HPSE2: variants seen among roughly 807,000 people sequenced by gnomAD.
The protein encoded by HPSE2 is heparanase 2 (inactive), also known as inactive heparanase-2.
Under a neutral mutation model 60.5 loss-of-function variants are expected in HPSE2, and 38 were observed. The observed-to-expected ratio is 0.63, with a 90% CI of 0.48 to 0.82. The LOEUF is 0.82. Ranked by LOEUF, HPSE2 falls within the 40% of genes least tolerant of loss-of-function variation. The pLI, the probability that HPSE2 is intolerant of heterozygous loss-of-function variation, is 0.00. For missense variants in HPSE2, 713 were observed against 740.4 expected (o/e 0.96, Z 0.43); for synonymous variants, 295 against 293.2 (o/e 1.01, Z -0.06).
chr10:98,478,448 G>A (rs1941108822), intron 11 of HPSE2, among the ~76,000 whole-genome samples: 1 of 152,092 alleles, frequency 6.6e-6, no homozygotes, highest in Non-Finnish European at 1.5e-5. Context: ...TCAAAGGGAA[G>A]CTATAATCTC....
intron 3 of HPSE2, among the ~76,000 whole-genome samples, chr10:98,939,246 A>C (rs1348003964): frequency 6.9e-6 from 1 of 143,954 alleles, no homozygotes; most frequent in Non-Finnish European, 1.5e-5. Flanking sequence ...ATTAACTTTA[A>C]TTGTAAATGG....
chr10:98,630,076 C>T (rs1946319622), intron 7 of HPSE2, among the ~76,000 whole-genome samples: 1 of 152,226 alleles, frequency 6.6e-6, no homozygotes, highest in East Asian at 1.9e-4. Context: ...CTTAGACTTT[C>T]ACAACCATCC....
chr10:98,861,840 CA>C (rs1227840871), intron 3 of HPSE2, among the ~76,000 whole-genome samples: 3 of 152,078 alleles, frequency 2.0e-5, no homozygotes, highest in Non-Finnish European at 4.4e-5. Flanking sequence ...AACATTGCAC[CA>C]GGCTTGTATC....
intron 3 of HPSE2, among the ~76,000 whole-genome samples, chr10:98,986,598 C>G (rs1057455135): frequency 3.2e-3 from 415 of 128,236 alleles, no homozygotes; most frequent in Non-Finnish European, 4.2e-3. Flanking sequence ...GAAGCAAGAG[C>G]AAACACATTC....
intron 3 of HPSE2, among the ~76,000 whole-genome samples, chr10:98,841,052 G>T (rs532570061): frequency 6.6e-6 from 1 of 152,300 alleles, no homozygotes; most frequent in East Asian, 1.9e-4. Flanking sequence ...GAAGCCAGGA[G>T]TTGGAGACTG....
At chr10:98,871,323 T>C (rs904564145) in intron 3 of HPSE2, among the ~76,000 whole-genome samples, 26 of 152,020 alleles carry the variant, frequency 1.7e-4, no homozygotes, top group African/African-American at 6.0e-4. Flanking sequence ...AAAGTACAGC[T>C]AGGAGGTGCA....
chr10:99,213,894 C>G (rs7081536), intron 2 of HPSE2, among the ~76,000 whole-genome samples: 129,642 of 152,218 alleles, frequency 0.85, 55,504 homozygotes, highest in African/African-American at 0.93. Flanking sequence ...GTTCTTGAAA[C>G]GACATGCTCA....
chr10:98,962,844 G>T (rs932631503), intron 3 of HPSE2, among the ~76,000 whole-genome samples: 2 of 151,706 alleles, frequency 1.3e-5, no homozygotes, highest in Admixed American at 1.3e-4. Flanking sequence ...GCTTCAAAGA[G>T]AATAAAATAC....
chr10:99,084,456 T>C (rs954912973), intron 3 of HPSE2, among the ~76,000 whole-genome samples: 1 of 152,154 alleles, frequency 6.6e-6, no homozygotes, highest in African/African-American at 2.4e-5. Context: ...TAGGTCAAAG[T>C]TCCTAAAAGA....
chr10:98,581,677 G>T (rs1430784848), intron 9 of HPSE2, among the ~76,000 whole-genome samples: 3 of 152,064 alleles, frequency 2.0e-5, no homozygotes, highest in African/African-American at 2.4e-5. Flanking sequence ...GGGATACATT[G>T]TGTGTAGAGA....
chr10:98,991,020 C>T (rs1294844201), intron 3 of HPSE2, among the ~76,000 whole-genome samples: 7 of 152,084 alleles, frequency 4.6e-5, no homozygotes, highest in Non-Finnish European at 8.8e-5. Context: ...ATGCATATTC[C>T]CACCTCCACT....
chr10:98,827,818 A>C (rs140663038), intron 3 of HPSE2, among the ~76,000 whole-genome samples: 161 of 152,338 alleles, frequency 1.1e-3, no homozygotes, highest in Non-Finnish European at 1.7e-3. Context: ...TTTTATGTAG[A>C]TCACAATACC....
At chr10:99,122,400 T>C (rs1844990080) in intron 3 of HPSE2, among the ~76,000 whole-genome samples, 1 of 151,954 alleles carries the variant, frequency 6.6e-6, no homozygotes, top group African/African-American at 2.4e-5. Flanking sequence ...AAGACAAATA[T>C]ACCTTTGTCC....
At chr10:98,624,346 C>G (rs997429572) in intron 7 of HPSE2, among the ~76,000 whole-genome samples, 1 of 152,026 alleles carries the variant, frequency 6.6e-6, no homozygotes, top group Admixed American at 6.6e-5. Flanking sequence ...AGTGAAGAAG[C>G]CAGCCTCTTA....
At chr10:98,708,044 T>C (rs571767023) in intron 5 of HPSE2, among the ~76,000 whole-genome samples, 143 of 152,268 alleles carry the variant, frequency 9.4e-4, no homozygotes, top group South Asian at 9.1e-3. Flanking sequence ...ACTGAAGCAT[T>C]TTGAAATGTG....
chr10:98,922,454 AG>A (rs1284782121), intron 3 of HPSE2, among the ~76,000 whole-genome samples: 4 of 152,212 alleles, frequency 2.6e-5, no homozygotes, highest in Admixed American at 2.6e-4. Flanking sequence ...GATACGAGGG[AG>A]AACTCAATTT....
intron 3 of HPSE2, among the ~76,000 whole-genome samples, chr10:98,950,447 A>T (rs913826458): frequency 2.6e-5 from 4 of 152,202 alleles, no homozygotes; most frequent in African/African-American, 4.8e-5. Context: ...GAGTCATTGA[A>T]ATACATTAGA....
chr10:99,263,417 T>G, the HPSE2 span, among the ~76,000 whole-genome samples: 1 of 152,240 alleles, frequency 6.6e-6, no homozygotes, highest in Admixed American at 6.5e-5. Context: ...CATGCTGTTA[T>G]ATGGGCTGAA....
At chr10:98,511,318 T>C (rs1942386511) in intron 9 of HPSE2, among the ~76,000 whole-genome samples, 1 of 151,914 alleles carries the variant, frequency 6.6e-6, no homozygotes. Flanking sequence ...GTCTGGCTAA[T>C]TTTTTGTATT....
Sources: allele counts gnomAD v4.1 joint callset (sites outside exome capture counted in the v4.1 genomes callset), GRCh38; gene constraint gnomAD v4.1.1; transcripts MANE v1.5; gene names NCBI Gene and HGNC (gene_info 2026-07-23, HGNC 2026-07-21).